Variants in SRPRA observed in about 807,000 individuals in gnomAD.
The protein encoded by SRPRA is SRP receptor subunit alpha.
SRPRA carries 30 observed loss-of-function variants against 61.1 expected under a neutral mutation model. The observed-to-expected ratio is 0.49, with a 90% CI of 0.37 to 0.67. The LOEUF is 0.67. Ranked by LOEUF, SRPRA falls within the 30% of genes least tolerant of loss-of-function variation. SRPRA has a pLI of 0.00. For synonymous variants in SRPRA, 324 were observed against 299.7 expected (o/e 1.08, Z -0.84); for missense variants, 759 against 828.4 (o/e 0.92, Z 1.03).
Position 126,268,884 on chromosome 11 carries a change from G to A in SRPRA, c.-80C>T. 1.7e-6 allele frequency: 2 copies of A among 1,201,542 alleles called. No homozygotes were observed. Among genetic ancestry groups the A allele is most frequent in the Non-Finnish European group, 2.5e-6 (2 of 816,012 alleles). 74.4% of individuals were successfully genotyped at this position (1,201,542 alleles called of 1,614,324 possible). ...CGCCGCTTCCTGCTGCGCCAAGCGCGGGACACGTCACACCAGTGGCCCCGG... is the reference window on the plus strand; with the variant it reads ...CGCCGCTTCCTGCTGCGCCAAGCGCAGGACACGTCACACCAGTGGCCCCGG... On this transcript the variant is annotated 5_prime_UTR_variant, in exon 1 of 14. Transcript: ENST00000332118.
In SRPRA at chr11:126,265,837, G is replaced by C. The variant is rs576127827; in HGVS notation, c.1052-14C>G. 5 of 1,614,152 alleles carry C rather than the reference G, an allele frequency of 3.1e-6. No homozygotes were observed. In the South Asian group the frequency reaches 5.5e-5, roughly 18 times the overall value. ...CCACGTTCTTAGCTGAGGAGAGGGG[G>C]ACAGGTATGTCAGTTCCATGTCAGC... On this transcript the variant is annotated splice_polypyrimidine_tract_variant and intron_variant, in intron 8 of 13. Transcript: ENST00000332118. This position sits in a 1 kb window ranked among gnomAD's most constrained non-coding sequence, Gnocchi z 6.3.
At chr11:126,256,452 T>C in the SRPRA span, 4 of 885,730 alleles carry the variant, frequency 4.5e-6, no homozygotes, top group South Asian at 6.7e-5. This position sits in a 1 kb window ranked among gnomAD's most constrained non-coding sequence, Gnocchi z 6.6. Context: ...ACCAACCCAC[T>C]TAAGTCTTGC....
At chr11:126,250,315 T>A in the SRPRA span, among the ~76,000 whole-genome samples, 1 of 152,048 alleles carries the variant, frequency 6.6e-6, no homozygotes, top group Admixed American at 6.6e-5. This position sits in a 1 kb window ranked among gnomAD's most constrained non-coding sequence, Gnocchi z 5.1. Flanking sequence ...ATGGTCTCGA[T>A]CTCCTGACCT....
the SRPRA span, among the ~76,000 whole-genome samples, chr11:126,251,966 G>A: frequency 6.6e-6 from 1 of 151,460 alleles, no homozygotes; most frequent in Non-Finnish European, 1.5e-5. Context: ...ACAGGCATGT[G>A]CCTGGCCGTT....
In SRPRA at chr11:126,266,754, A is replaced by C; in HGVS notation, c.686+9T>G. ...AGTATTTTGAGAGTACTGGAGAAAG[A>C]GTGCTCACTTGGACTTCTCCATACC... On this transcript the variant is annotated intron_variant, in intron 5 of 13. Coordinates refer to ENST00000332118, the MANE Select transcript of SRPRA (RefSeq NM_003139.4). The C allele has an allele frequency of 6.2e-7, 1 of 1,613,846 alleles. No homozygotes were observed. The highest frequency in any genetic ancestry group is 8.5e-7 in the Non-Finnish European group (1 of 1,179,802).
chr11:126,245,967 G>C, the SRPRA span, among the ~76,000 whole-genome samples: 3 of 150,476 alleles, frequency 2.0e-5, no homozygotes, highest in Non-Finnish European at 4.4e-5. Context: ...TTGCACTCCA[G>C]CCTGGGCAAC....
chr11:126,261,461 C>G (rs756594266), downstream of SRPRA: 1 of 1,613,848 alleles, frequency 6.2e-7, no homozygotes, highest in South Asian at 1.1e-5. Flanking sequence ...AATGGCTCAT[C>G]TGCAGCACAC....
At position 126,265,775 on chromosome 11, in the gene SRPRA, G is replaced by A; in HGVS notation, c.1100C>T (p.Ala367Val). The A allele has an allele frequency of 6.2e-7, 1 of 1,614,154 alleles. No individual in the cohort carries two copies. Reference sequence around the variant, plus strand: ...CATCACCTTCCCTTCCAACTTGTTGGCAACAGATTCACAGAGCTGGACGGC... The same window carrying A: ...CATCACCTTCCCTTCCAACTTGTTGACAACAGATTCACAGAGCTGGACGGC... ...DIAVQLCESVANKLEGKVMGT... is the reference protein window; with the variant it reads ...DIAVQLCESVVNKLEGKVMGT... The change falls in exon 9 of 14, where the codon GCC (alanine) becomes GTC (valine). Residue 367 changes from alanine (A) to valine (V), a missense_variant. This residue lies in a region of SRPRA where 475 missense variants were observed against 462.5 expected (regional missense o/e 1.03). Coordinates refer to ENST00000332118, the MANE Select transcript of SRPRA (RefSeq NM_003139.4). The surrounding 1 kb of genome is among the most constrained non-coding windows in gnomAD (Gnocchi z 6.3).
At chr11:126,256,638 C>G in the SRPRA span, 1 of 1,614,156 alleles carries the variant, frequency 6.2e-7, no homozygotes, top group Non-Finnish European at 8.5e-7. The surrounding 1 kb of genome is among the most constrained non-coding windows in gnomAD (Gnocchi z 6.6). Context: ...TGGATGACAC[C>G]ACTTTCCAGG....
chr11:126,250,624 T>C, the SRPRA span: 2 of 1,614,106 alleles, frequency 1.2e-6, no homozygotes, highest in Non-Finnish European at 1.7e-6. This position sits in a 1 kb window ranked among gnomAD's most constrained non-coding sequence, Gnocchi z 5.1. Context: ...CTCCACCTGA[T>C]GGAAAATGGA....
At chr11:126,237,777 A>AACCTGGG in the SRPRA span, among the ~76,000 whole-genome samples, 1 of 146,380 alleles carries the variant, frequency 6.8e-6, no homozygotes, top group Non-Finnish European at 1.5e-5. Context: ...GAATCACTTG[A>AACCTGGG]ACCTGGGAGG....
the SRPRA span, among the ~76,000 whole-genome samples, chr11:126,254,962 A>G: frequency 6.6e-5 from 10 of 152,194 alleles, no homozygotes; most frequent in Non-Finnish European, 1.3e-4. Context: ...TTAATTGACA[A>G]CCAGCAGATG....
chr11:126,266,764 T>C lies in SRPRA; in HGVS notation c.685A>G (p.Asn229Asp), dbSNP rs1950816744. ...GAGTACTGGAGAAAGAGTGCTCACT[T>C]GGACTTCTCCATACCCCTCCCATGC... Reference protein sequence around the residue: ...QKHGRGMEKSNKSTKSDAPKE... With the variant: ...QKHGRGMEKSDKSTKSDAPKE... The change falls in exon 5 of 14, where the codon AAC (asparagine) becomes GAC (aspartate). Residue 229 changes from asparagine to aspartate, a missense_variant and splice_region_variant. This residue lies in a region of SRPRA where 475 missense variants were observed against 462.5 expected (regional missense o/e 1.03). Transcript: ENST00000332118. The C allele has an allele frequency of 1.9e-6, 3 of 1,613,928 alleles. No individual in the cohort carries two copies. The highest frequency in any genetic ancestry group is 8.5e-7 in the Non-Finnish European group (1 of 1,179,962).
the SRPRA span, among the ~76,000 whole-genome samples, chr11:126,248,907 A>G: frequency 6.6e-6 from 1 of 152,196 alleles, no homozygotes; most frequent in Admixed American, 6.5e-5. Context: ...ATCACATTAC[A>G]TAGTTACTTT....
the SRPRA span, chr11:126,250,598 G>T: frequency 3.7e-6 from 6 of 1,613,978 alleles, no homozygotes; most frequent in Non-Finnish European, 4.2e-6. The surrounding 1 kb of genome is among the most constrained non-coding windows in gnomAD (Gnocchi z 5.1). Flanking sequence ...CTGGAAAACA[G>T]CTACTTCAGT....
chr11:126,267,413 A>G lies in SRPRA; in HGVS notation c.366-78T>C. On this transcript the variant is annotated intron_variant, in intron 3 of 13. Coordinates refer to ENST00000332118, the MANE Select transcript of SRPRA (RefSeq NM_003139.4). The surrounding 1 kb of genome is among the most constrained non-coding windows in gnomAD (Gnocchi z 4.2). ...AACGGTCCAGAGAAAGGACTCTCAC[A>G]CCCAAGAGGACAATGAGAACTGGGT... is the stretch of plus-strand genomic sequence containing the variant. 6.3e-7 allele frequency: 1 copy of G among 1,590,850 alleles called. No individual in the cohort carries two copies. Among genetic ancestry groups the G allele is most frequent in the Non-Finnish European group, 8.6e-7 (1 of 1,167,808 alleles).
At chr11:126,266,336 G>A (rs1303823574) in intron 6 of SRPRA, 58 bp from the exon 7 acceptor site, 112 of 1,598,016 alleles carry the variant, frequency 7.0e-5, no homozygotes, top group Middle Eastern at 3.7e-4. Context: ...TGAGGAAAAC[G>A]TCCACATTGC....
At chr11:126,247,332 A>C in the SRPRA span, among the ~76,000 whole-genome samples, 19 of 152,200 alleles carry the variant, frequency 1.2e-4, no homozygotes, top group Non-Finnish European at 2.9e-5. Flanking sequence ...TGAGGAAATC[A>C]ATGCAGTTGC....
At position 126,265,620 on chromosome 11, in the gene SRPRA, C is replaced by G; in HGVS notation, c.1138+117G>C. 1 of 1,285,566 alleles carries G rather than the reference C, an allele frequency of 7.8e-7. No homozygotes were observed. The highest frequency in any genetic ancestry group is 1.3e-5 in the South Asian group (1 of 78,108). The allele number at this position is 1,285,566 out of a possible 1,614,324, so 79.6% of individuals were successfully genotyped here. A position where few individuals can be genotyped will look rare whatever the true frequency, so the allele number is the denominator to read the frequency against. On this transcript the variant is annotated intron_variant, in intron 9 of 13. Coordinates refer to ENST00000332118, the MANE Select transcript of SRPRA (RefSeq NM_003139.4). This position sits in a 1 kb window ranked among gnomAD's most constrained non-coding sequence, Gnocchi z 6.3. ...GAATCCTCTCAATAACCCTTAAAATCTAGGTTACAGAGGTTTAGAGGTTAA... is the reference window on the plus strand; with the variant it reads ...GAATCCTCTCAATAACCCTTAAAATGTAGGTTACAGAGGTTTAGAGGTTAA...
Sources: allele counts gnomAD v4.1 joint callset (sites outside exome capture counted in the v4.1 genomes callset), GRCh38; gene constraint gnomAD v4.1.1; regional missense constraint gnomAD v4.1.1; non-coding constraint Gnocchi (gnomAD v3.1); transcripts MANE v1.5; gene names NCBI Gene and HGNC (gene_info 2026-07-23, HGNC 2026-07-21).